Variants in CCDC158 observed in about 807,000 individuals in gnomAD.
CCDC158 encodes coiled-coil domain-containing protein 158.
CCDC158 carries 116 observed loss-of-function variants against 138.6 expected under a neutral mutation model. The ratio of observed to expected loss-of-function variants is 0.84; its 90% CI spans 0.72 to 0.98. The LOEUF is 0.98. Ranked by LOEUF, CCDC158 falls within the 50% of genes least tolerant of loss-of-function variation. The probability of loss-of-function intolerance (pLI) is 0.00; values close to 1 mark genes in which losing one functional copy is unlikely to be tolerated. For synonymous variants in CCDC158, 436 were observed against 442.4 expected (o/e 0.99, Z 0.18); for missense variants, 1,265 against 1,306.1 (o/e 0.97, Z 0.48).
At chr4:76,408,721 C>A (rs1729045736) in intron 2 of CCDC158, among the ~76,000 whole-genome samples, 2 of 152,150 alleles carry the variant, frequency 1.3e-5, no homozygotes, top group Admixed American at 1.3e-4. Context: ...ATGGCTGGGT[C>A]AAATGGTATT....
At chr4:76,365,319 T>A (rs1276063454) in intron 12 of CCDC158, among the ~76,000 whole-genome samples, 1 of 152,202 alleles carries the variant, frequency 6.6e-6, no homozygotes. Context: ...GGGAAGTGGA[T>A]GTGGCATTAG....
chr4:76,361,595 G>T (rs932293493), intron 13 of CCDC158, among the ~76,000 whole-genome samples: 1 of 152,106 alleles, frequency 6.6e-6, no homozygotes, highest in East Asian at 1.9e-4. Context: ...TATCCAGTCT[G>T]AGGTAGTTCT....
intron 17 of CCDC158, 60 bp downstream of exon 17, chr4:76,351,660 T>C (rs2110172393): frequency 2.0e-6 from 2 of 986,046 alleles, no homozygotes; most frequent in Non-Finnish European, 1.6e-6. Flanking sequence ...CAAGAAAATA[T>C]AAAAGCATAT....
At chr4:76,399,878 G>C (rs185487692) in intron 3 of CCDC158, among the ~76,000 whole-genome samples, 1 of 152,128 alleles carries the variant, frequency 6.6e-6, no homozygotes, top group Non-Finnish European at 1.5e-5. Context: ...GTTGACAGTG[G>C]GGGGTGAGAA....
At position 76,385,708 on chromosome 4, in the gene CCDC158, A is replaced by G. The variant is rs1300649953; in HGVS notation, c.289-1043T>C. Among the ~76,000 whole-genome samples the G allele has an allele frequency of 2.6e-5, 4 of 152,254 alleles. No homozygotes were observed. The South Asian group carries it at 6.2e-4, about 24-fold the overall frequency. On this transcript the variant is annotated intron_variant, in intron 4 of 24. Coordinates refer to ENST00000682701, the MANE Select transcript of CCDC158 (RefSeq NM_001394954.1). ...AACAGAAGAAAGGAAACGGCCAAAGAAAAAAACGCAACTGAATTCCTCCAA... is the reference window on the plus strand; with the variant it reads ...AACAGAAGAAAGGAAACGGCCAAAGGAAAAAACGCAACTGAATTCCTCCAA...
At chr4:76,363,830 A>C (rs907630583) in intron 12 of CCDC158, among the ~76,000 whole-genome samples, 5 of 152,104 alleles carry the variant, frequency 3.3e-5, no homozygotes, top group African/African-American at 1.2e-4. Flanking sequence ...GTAACAATTT[A>C]AAAATACAAC....
chr4:76,408,321 T>C (rs1397020577), intron 2 of CCDC158, among the ~76,000 whole-genome samples: 1 of 152,146 alleles, frequency 6.6e-6, no homozygotes, highest in Non-Finnish European at 1.5e-5. Flanking sequence ...TATCTCCTAA[T>C]GCTATCCCTC....
chr4:76,332,829 G>C (rs1721120423), intron 19 of CCDC158, among the ~76,000 whole-genome samples: 1 of 152,228 alleles, frequency 6.6e-6, no homozygotes, highest in Non-Finnish European at 1.5e-5. Context: ...TTAGTGGCTG[G>C]AGTGGTGGAA....
At chr4:76,314,453 A>G (rs866756527) in intron 24 of CCDC158, among the ~76,000 whole-genome samples, 6 of 152,234 alleles carry the variant, frequency 3.9e-5, no homozygotes, top group Middle Eastern at 6.3e-3. Context: ...TTTTGCTCCA[A>G]GAGCCACTGC....
intron 18 of CCDC158, among the ~76,000 whole-genome samples, chr4:76,339,860 T>C (rs952857192): frequency 6.6e-6 from 1 of 152,218 alleles, no homozygotes; most frequent in African/African-American, 2.4e-5. Context: ...CTAAAGTACA[T>C]GCCTTTAACT....
Position 76,366,344 on chromosome 4 carries a change from A to G in CCDC158, c.1830+950T>C, listed in dbSNP as rs11940973. On this transcript the variant is annotated intron_variant, in intron 12 of 24. Coordinates refer to ENST00000682701, the MANE Select transcript of CCDC158 (RefSeq NM_001394954.1). ...ATTTCCATAAGATGGATAATTATCTATTGCTGGCCCTATTTTTAGAAGGAG... is the reference window on the plus strand; with the variant it reads ...ATTTCCATAAGATGGATAATTATCTGTTGCTGGCCCTATTTTTAGAAGGAG... Among the ~76,000 whole-genome samples, 263 of 152,312 alleles carry G rather than the reference A, an allele frequency of 1.7e-3. 1 individual carries two copies. The highest frequency in any genetic ancestry group is 3.4e-3 in the Middle Eastern group (1 of 292).
Position 76,367,568 on chromosome 4 carries a change from A to G in CCDC158, c.1556T>C (p.Ile519Thr), listed in dbSNP as rs749572814. The change falls in exon 12 of 25, where the codon ATC becomes ACC. Residue 519 changes from isoleucine (I) to threonine (T), a missense_variant. Physicochemically the swap from Ile to Thr is moderately conservative, Grantham distance 89. Coordinates refer to ENST00000682701, the MANE Select transcript of CCDC158 (RefSeq NM_001394954.1). The part of the protein sequence containing the change: ...ERAIEATNAE[I>T]TKLRSRVDLK... ...GTCCACCCGGGAGCGGAGCTTTGTG[A>G]TCTCTGCATTGGTAGCCTCGATGGC... The G allele has an allele frequency of 6.8e-6, 11 of 1,614,034 alleles. No individual in the cohort carries two copies. The highest frequency in any genetic ancestry group is 1.7e-6 in the Non-Finnish European group (2 of 1,180,036).
intron 15 of CCDC158, 53 bp from the exon 16 acceptor site, chr4:76,353,334 G>T (rs2110180070): frequency 1.5e-6 from 2 of 1,378,088 alleles, no homozygotes; most frequent in African/African-American, 1.5e-5. Context: ...TGTAGATGCT[G>T]AAAGGTAATG....
At chr4:76,414,818 G>A (rs1325139449) in intron 1 of CCDC158, among the ~76,000 whole-genome samples, 1 of 152,208 alleles carries the variant, frequency 6.6e-6, no homozygotes. Context: ...GGAACTGTAA[G>A]TCCAATTAAA....
At chr4:76,331,236 A>G (rs1194944870) in intron 21 of CCDC158, 108 bp downstream of exon 21, 19 of 918,526 alleles carry the variant, frequency 2.1e-5, no homozygotes, top group Non-Finnish European at 3.2e-5. Context: ...CTATATTCTA[A>G]GGGTCTACTG....
chr4:76,412,811 G>T (rs1170038685), intron 1 of CCDC158, among the ~76,000 whole-genome samples: 1 of 152,144 alleles, frequency 6.6e-6, no homozygotes, highest in Non-Finnish European at 1.5e-5. Flanking sequence ...AACAAAATGT[G>T]TTTAATTATA....
chr4:76,415,781 G>A (rs752687358), intron 1 of CCDC158, among the ~76,000 whole-genome samples: 8 of 152,170 alleles, frequency 5.3e-5, no homozygotes, highest in Non-Finnish European at 1.2e-4. Flanking sequence ...TTGGTCTAAC[G>A]GTAATGCCAG....
chr4:76,351,141 T>G lies in CCDC158; in HGVS notation c.2539-20A>C. ...AAGTTCCTGGAAAACAATATAGAGG[T>G]AAGCAAAATAACTGCCAGCCTACAA... is the stretch of plus-strand genomic sequence containing the variant. On this transcript the variant is annotated intron_variant, in intron 17 of 24. Transcript: ENST00000682701. 1 of 1,579,788 alleles carries G rather than the reference T, an allele frequency of 6.3e-7. No homozygotes were observed. The highest frequency in any genetic ancestry group is 1.2e-5 in the South Asian group (1 of 85,334).
intron 3 of CCDC158, among the ~76,000 whole-genome samples, chr4:76,399,945 G>A (rs1392196770): frequency 6.6e-6 from 1 of 152,178 alleles, no homozygotes; most frequent in African/African-American, 2.4e-5. Context: ...ATGGGAGAAG[G>A]AGGCATGGAC....
Sources: gnomAD v4.1 joint callset for allele counts (sites outside exome capture counted in the v4.1 genomes callset) on GRCh38, gnomAD v4.1.1 for gene constraint, MANE v1.5 for transcripts, NCBI Gene and HGNC (gene_info 2026-07-23, HGNC 2026-07-21) for gene names.